Variants in PCDHA1 observed in about 807,000 individuals in gnomAD.
PCDHA1 encodes the protein protocadherin alpha 1, also known as protocadherin alpha-1.
In PCDHA1, 42 loss-of-function variants were observed where a neutral mutation model predicts 61.3. The observed-to-expected ratio is 0.69, with a 90% CI of 0.54 to 0.89. The LOEUF is 0.89. PCDHA1 is among the 40% of genes least tolerant of loss of function. The pLI is 0.00. For synonymous variants in PCDHA1, 610 were observed against 553.8 expected (o/e 1.10, Z -1.43); for missense variants, 1,256 against 1,235.3 (o/e 1.02, Z -0.25).
At chr5:140,966,638 T>A in intron 1 of PCDHA1, 2 of 1,090,114 alleles carry the variant, frequency 1.8e-6, no homozygotes, top group South Asian at 2.2e-5. Flanking sequence ...CCAGGCGCTT[T>A]CTAGAGCGTG....
chr5:140,815,045 T>A (rs1042274991), intron 1 of PCDHA1: 4 of 152,212 alleles, frequency 2.6e-5, no homozygotes, highest in South Asian at 2.1e-4. Context: ...GAAATTTTTT[T>A]AATATCCTTT....
At chr5:140,870,806 A>AGAGT in intron 1 of PCDHA1, 1 of 1,613,688 alleles carries the variant, frequency 6.2e-7, no homozygotes, top group Non-Finnish European at 8.5e-7. Flanking sequence ...CTGGCGACTC[A>AGAGT]GGCTGGCAGC....
chr5:140,904,225 T>A (rs782022279), intron 1 of PCDHA1, among the ~76,000 whole-genome samples: 5 of 152,020 alleles, frequency 3.3e-5, no homozygotes, highest in Non-Finnish European at 5.9e-5. Context: ...CATTGTATTA[T>A]ACTTATGCCT....
chr5:140,989,139 C>G (rs1308771993), intron 3 of PCDHA1, among the ~76,000 whole-genome samples: 1 of 152,136 alleles, frequency 6.6e-6, no homozygotes, highest in African/African-American at 2.4e-5. Context: ...ACACTTTATC[C>G]CTTCTTTTGT....
At chr5:140,915,083 C>T in intron 1 of PCDHA1, among the ~76,000 whole-genome samples, 1 of 151,628 alleles carries the variant, frequency 6.6e-6, no homozygotes, top group East Asian at 1.9e-4. Flanking sequence ...GTAGCTGGGA[C>T]TATGGGCACG....
rs75087916 is a variant in PCDHA1, at chr5:140,963,063, T to G, written c.2395-15886T>G. Among the ~76,000 whole-genome samples, 783 of 152,260 alleles carry G rather than the reference T, an allele frequency of 5.1e-3. 9 individuals carry two copies. Among genetic ancestry groups the G allele is most frequent in the African/African-American group, 0.018 (742 of 41,556 alleles). ...AGAGTCTATAAGGGTTTCTACATTGTGAAGGAGACAGAAATATAAGACATG... is the reference window on the plus strand; with the variant it reads ...AGAGTCTATAAGGGTTTCTACATTGGGAAGGAGACAGAAATATAAGACATG... On this transcript the variant is annotated intron_variant, in intron 1 of 3. Transcript: ENST00000504120.
rs180683275 is a variant in PCDHA1 at position 140,985,540 on chromosome 5, T to C, written c.2542+2977T>C. 7.6e-3 allele frequency among the ~76,000 whole-genome samples: 1,162 copies of C among 152,268 alleles called. 7 individuals are homozygous for C. The highest frequency in any genetic ancestry group is 0.012 in the Non-Finnish European group (785 of 68,010). On this transcript the variant is annotated intron_variant, in intron 3 of 3. Coordinates refer to ENST00000504120, the MANE Select transcript of PCDHA1 (RefSeq NM_018900.4). ...TGCCCTTAAAGCTTCACGGTGAAGATGCAGTTGCTTCCAAAAGGCTTCTTT... is the reference window on the plus strand; with the variant it reads ...TGCCCTTAAAGCTTCACGGTGAAGACGCAGTTGCTTCCAAAAGGCTTCTTT...
chr5:140,907,727 C>T (rs2153502591), intron 1 of PCDHA1, among the ~76,000 whole-genome samples: 1 of 152,306 alleles, frequency 6.6e-6, no homozygotes, highest in Admixed American at 6.5e-5. Flanking sequence ...AACCTCCATC[C>T]CTGCCACCAT....
chr5:140,858,159 C>T lies in PCDHA1; in HGVS notation c.2394+69475C>T, dbSNP rs782574934. The T allele has an allele frequency of 3.8e-6, 6 of 1,597,644 alleles. No homozygotes were observed. In the Admixed American group the frequency reaches 5.1e-5, roughly 13 times the overall value. On this transcript the variant is annotated intron_variant, in intron 1 of 3. Coordinates refer to ENST00000504120, the MANE Select transcript of PCDHA1 (RefSeq NM_018900.4). ...GTGTACCTGATCATCGCCATCTGCG[C>T]GGTGTCCAGCTTGCTGGTGCTCACG...
At position 140,928,998 on chromosome 5, in the gene PCDHA1, C is replaced by G. The variant is rs1448389331; in HGVS notation, c.2395-49951C>G. On this transcript the variant is annotated intron_variant, in intron 1 of 3. Coordinates refer to ENST00000504120, the MANE Select transcript of PCDHA1 (RefSeq NM_018900.4). The stretch of plus-strand genomic sequence containing the variant: ...TATTTCTGGGGTGCTTACTTTTCTT[C>G]GTGTGTACCAAGTTGCACCAGAGCC... The G allele has an allele frequency of 8.1e-6, 13 of 1,613,784 alleles. No individual in the cohort carries two copies. The Admixed American group carries it at 2.2e-4, about 27-fold the overall frequency.
At chr5:140,803,128 G>C (rs1554122591) in intron 1 of PCDHA1, 1 of 1,613,792 alleles carries the variant, frequency 6.2e-7, no homozygotes, top group Admixed American at 1.7e-5. Context: ...GACGCCCCGC[G>C]CCATCGCCTA....
chr5:140,914,473 G>A (rs1162580496), intron 1 of PCDHA1, among the ~76,000 whole-genome samples: 1 of 152,116 alleles, frequency 6.6e-6, no homozygotes, highest in Admixed American at 6.6e-5. Flanking sequence ...TATCTTCATA[G>A]GTGAAGTGTT....
intron 1 of PCDHA1, chr5:140,856,391 G>A (rs1554148627): frequency 6.3e-7 from 1 of 1,598,560 alleles, no homozygotes; most frequent in Non-Finnish European, 8.6e-7. Context: ...GCCGCTGCAG[G>A]TTTTCCATGT....
At chr5:140,823,208 C>A (rs1767602196) in intron 1 of PCDHA1, 1 of 1,613,840 alleles carries the variant, frequency 6.2e-7, no homozygotes, top group Non-Finnish European at 8.5e-7. Flanking sequence ...ACGGTGTCTG[C>A]ACGGGACGCG....
chr5:140,874,266 T>C (rs1554167103), intron 1 of PCDHA1, among the ~76,000 whole-genome samples: 2 of 152,222 alleles, frequency 1.3e-5, no homozygotes, highest in Admixed American at 1.3e-4. Context: ...TTGACTTGAG[T>C]ATTAATAGAC....
intron 1 of PCDHA1, chr5:140,967,116 G>A: frequency 1.2e-6 from 2 of 1,612,922 alleles, no homozygotes; most frequent in Non-Finnish European, 1.7e-6. Context: ...CGGCCTCGCT[G>A]CCTGCTCAGC....
intron 1 of PCDHA1, among the ~76,000 whole-genome samples, chr5:140,978,440 T>G (rs1238163577): frequency 2.0e-5 from 3 of 152,244 alleles, no homozygotes; most frequent in African/African-American, 7.2e-5. Context: ...GCTGGTGTTA[T>G]GACTGGGCAC....
At chr5:140,946,477 T>C (rs1223421073) in intron 1 of PCDHA1, among the ~76,000 whole-genome samples, 2 of 151,720 alleles carry the variant, frequency 1.3e-5, no homozygotes, top group Non-Finnish European at 2.9e-5. Flanking sequence ...ACTGGGTATA[T>C]ATCCAAAGGA....
Position 141,010,445 on chromosome 5 carries a change from A to C in PCDHA1, c.*508A>C. On this transcript the variant is annotated 3_prime_UTR_variant, in exon 4 of 4. Transcript: ENST00000504120. ...AAGGCAAGAAAACAAAGACAAATAA[A>C]CAGCGGAAGTTATCAGTATGGAGGG... 1.1e-6 allele frequency: 1 copy of C among 944,134 alleles called. No individual in the cohort carries two copies. The highest frequency in any genetic ancestry group is 1.5e-6 in the Non-Finnish European group (1 of 656,048). 58.5% of individuals were successfully genotyped at this position (944,134 alleles called of 1,614,324 possible).
Sources: allele counts gnomAD v4.1 joint callset (sites outside exome capture counted in the v4.1 genomes callset), GRCh38; gene constraint gnomAD v4.1.1; transcripts MANE v1.5; gene names NCBI Gene and HGNC (gene_info 2026-07-23, HGNC 2026-07-21).